Variants in GPR158 observed in about 807,000 individuals in gnomAD.
GPR158 encodes the protein metabotropic glycine receptor.
In GPR158, 30 loss-of-function variants were observed where a neutral mutation model predicts 78.2. The ratio of observed to expected loss-of-function variants is 0.38; its 90% CI spans 0.29 to 0.52. The LOEUF (loss-of-function observed/expected upper bound fraction) is 0.52. Ranked by LOEUF, GPR158 falls within the 20% of genes least tolerant of loss-of-function variation. The pLI is 0.83. For missense variants in GPR158, 1,463 were observed against 1,523.5 expected (o/e 0.96, Z 0.66); for synonymous variants, 581 against 591.1 (o/e 0.98, Z 0.25).
intron 2 of GPR158, among the ~76,000 whole-genome samples, chr10:25,317,220 G>C (rs1397342545): frequency 6.6e-6 from 1 of 151,288 alleles, no homozygotes; most frequent in Non-Finnish European, 1.5e-5. Context: ...AATTTTTTTT[G>C]TATTTTTAGT....
At chr10:25,302,741 C>G (rs1380040187) in intron 2 of GPR158, among the ~76,000 whole-genome samples, 1 of 152,196 alleles carries the variant, frequency 6.6e-6, no homozygotes, top group Non-Finnish European at 1.5e-5. Context: ...TTGGCAGCCC[C>G]TGTTCTAAGT....
intron 2 of GPR158, among the ~76,000 whole-genome samples, chr10:25,327,781 C>T (rs540568472): frequency 6.6e-6 from 1 of 151,986 alleles, no homozygotes; most frequent in East Asian, 1.9e-4. Context: ...TAAAAGAGAG[C>T]AAAAGGAAAG....
chr10:25,291,990 C>G (rs1854444105), intron 2 of GPR158, among the ~76,000 whole-genome samples: 1 of 152,006 alleles, frequency 6.6e-6, no homozygotes, highest in Non-Finnish European at 1.5e-5. Context: ...GGGGAGTTTA[C>G]TCAAAAAATG....
intron 5 of GPR158, among the ~76,000 whole-genome samples, chr10:25,477,176 G>A (rs1835599689): frequency 6.6e-6 from 1 of 151,986 alleles, no homozygotes; most frequent in African/African-American, 2.4e-5. Flanking sequence ...CCCTGAAGCA[G>A]AAGAAAAACA....
At chr10:25,533,450 A>G (rs1836451860) in intron 5 of GPR158, among the ~76,000 whole-genome samples, 1 of 152,148 alleles carries the variant, frequency 6.6e-6, no homozygotes, top group African/African-American at 2.4e-5. Context: ...GAAGACCAAT[A>G]CACTGGTTCC....
intron 2 of GPR158, among the ~76,000 whole-genome samples, chr10:25,389,333 G>A (rs115975958): frequency 0.017 from 2,563 of 152,202 alleles, 64 homozygotes; most frequent in African/African-American, 0.05. Flanking sequence ...TCTCCTCTTT[G>A]CTGAGGGCTG....
chr10:25,585,378 A>G (rs967865261), intron 7 of GPR158, among the ~76,000 whole-genome samples: 11 of 152,242 alleles, frequency 7.2e-5, no homozygotes, highest in African/African-American at 2.7e-4. Flanking sequence ...TGAAAAACTC[A>G]GTTCCTGCCC....
At chr10:25,456,869 T>C (rs959750764) in intron 4 of GPR158, among the ~76,000 whole-genome samples, 8 of 152,318 alleles carry the variant, frequency 5.3e-5, no homozygotes, top group Admixed American at 5.2e-4. Context: ...CTCAATAGTG[T>C]CACATTTTTA....
Position 25,321,642 on chromosome 10 carries a change from AAAATAAACAAACAAAC to A in GPR158, c.1009-74265_1009-74250del, listed in dbSNP as rs576272380. Among the ~76,000 whole-genome samples, 506 of 83,970 alleles carry A rather than the reference AAAATAAACAAACAAAC, an allele frequency of 6.0e-3. 3 individuals carry two copies. The highest frequency in any genetic ancestry group is 0.023 in the African/African-American group (467 of 20,368). 55.1% of individuals were successfully genotyped at this position (83,970 alleles called of 152,430 possible). ...AAGAATGCTTATATAACCCTCCTTT[AAAATAAACAAACAAAC>A]AAACAAACAAACAAACAAACTGAAT... On this transcript the variant is annotated intron_variant, in intron 2 of 10. Coordinates refer to ENST00000376351, the MANE Select transcript of GPR158 (RefSeq NM_020752.3).
At chr10:25,197,231 C>T (rs1199807561) in intron 1 of GPR158, among the ~76,000 whole-genome samples, 1 of 152,198 alleles carries the variant, frequency 6.6e-6, no homozygotes, top group Non-Finnish European at 1.5e-5. Context: ...CGCCCTTTTA[C>T]TTATTACCTG....
intron 2 of GPR158, among the ~76,000 whole-genome samples, chr10:25,300,627 T>C (rs557780270): frequency 1.9e-3 from 294 of 152,276 alleles, no homozygotes; most frequent in Middle Eastern, 6.8e-3. Flanking sequence ...TGAGAAAATA[T>C]TGCCTGCTAG....
chr10:25,176,637 G>A lies in GPR158; in HGVS notation c.902+315G>A, dbSNP rs757039227. On this transcript the variant is annotated intron_variant, in intron 1 of 10. Transcript: ENST00000376351. The surrounding 1 kb of genome is among the most constrained non-coding windows in gnomAD (Gnocchi z 6.3). ...CGCTGCTCTGTGCTTCCCTCCAATT[G>A]TCCGGAGAGCAGGGAGGGGCGTTCC... 6.6e-6 allele frequency among the ~76,000 whole-genome samples: 1 copy of A among 152,226 alleles called. No individual in the cohort carries two copies. Among genetic ancestry groups the A allele is most frequent in the African/African-American group, 2.4e-5 (1 of 41,462 alleles).
intron 4 of GPR158, among the ~76,000 whole-genome samples, chr10:25,432,014 A>T (rs901716917): frequency 1.9e-4 from 3 of 15,684 alleles, no homozygotes; most frequent in South Asian, 2.5e-3. Flanking sequence ...ATAATAAAAT[A>T]AAAAAAAATG....
Position 25,175,575 on chromosome 10 carries a change from C to T in GPR158, c.155C>T (p.Ala52Val), listed in dbSNP as rs777538063. The T allele has an allele frequency of 7.4e-6, 12 of 1,611,002 alleles. No individual in the cohort carries two copies. In the South Asian group the frequency reaches 1.3e-4, roughly 18 times the overall value. The change falls in exon 1 of 11, where the codon GCC becomes GTC. Residue 52 changes from alanine to valine, a missense_variant. Physicochemically the swap from Ala to Val is moderately conservative, Grantham distance 64. Transcript: ENST00000376351. The surrounding 1 kb of genome is among the most constrained non-coding windows in gnomAD (Gnocchi z 6.4). ...GKPHAQQPGR[A>V]SASDSSAPWS... ...CCGCACGCCCAGCAGCCGGGTCGAGCCTCTGCCTCGGACTCCTCGGCTCCC... is the reference window on the plus strand; with the variant it reads ...CCGCACGCCCAGCAGCCGGGTCGAGTCTCTGCCTCGGACTCCTCGGCTCCC...
intron 4 of GPR158, among the ~76,000 whole-genome samples, chr10:25,447,688 A>C (rs550851209): frequency 2.2e-5 from 3 of 135,526 alleles, no homozygotes; most frequent in Admixed American, 2.1e-4. Flanking sequence ...CTCTTTCATG[A>C]TAAGTCTTGC....
At chr10:25,227,289 G>C (rs1403599046) in intron 2 of GPR158, among the ~76,000 whole-genome samples, 1 of 152,162 alleles carries the variant, frequency 6.6e-6, no homozygotes, top group East Asian at 1.9e-4. Flanking sequence ...TCTTGTGGTT[G>C]GGGGAAAGAG....
At chr10:25,426,378 T>C (rs1834820155) in intron 4 of GPR158, among the ~76,000 whole-genome samples, 1 of 152,178 alleles carries the variant, frequency 6.6e-6, no homozygotes, top group East Asian at 1.9e-4. Flanking sequence ...ATTTACTATT[T>C]GGCACAAGAG....
chr10:25,445,511 G>A (rs1225322440), intron 4 of GPR158, among the ~76,000 whole-genome samples: 1 of 152,180 alleles, frequency 6.6e-6, no homozygotes, highest in Non-Finnish European at 1.5e-5. Context: ...AAATGACATG[G>A]TTACATTTGT....
chr10:25,374,213 T>G (rs916907873), intron 2 of GPR158, among the ~76,000 whole-genome samples: 3 of 151,630 alleles, frequency 2.0e-5, no homozygotes, highest in Non-Finnish European at 4.4e-5. Context: ...TAAATGAATA[T>G]ACAGGCTTTC....
Sources: allele counts gnomAD v4.1 joint callset (sites outside exome capture counted in the v4.1 genomes callset), GRCh38; gene constraint gnomAD v4.1.1; non-coding constraint Gnocchi (gnomAD v3.1); transcripts MANE v1.5; gene names NCBI Gene and HGNC (gene_info 2026-07-23, HGNC 2026-07-21).